USP48: variants seen among roughly 807,000 people sequenced by gnomAD.
USP48 encodes ubiquitin carboxyl-terminal hydrolase 48.
Under a neutral mutation model 150.7 loss-of-function variants are expected in USP48, and 43 were observed. The observed-to-expected ratio is 0.29, with a 90% CI of 0.22 to 0.37. The LOEUF is 0.37. USP48 is among the 10% of genes least tolerant of loss of function. The pLI is 1.00. For missense variants in USP48, 813 were observed against 1,249.6 expected, an observed-to-expected ratio of 0.65 and a Z score of 5.27; for synonymous variants, 396 against 425.9, an observed-to-expected ratio of 0.93 and a Z score of 0.86.
intron 8 of USP48, among the ~76,000 whole-genome samples, chr1:21,741,385 G>T (rs1028970178): frequency 2.6e-5 from 4 of 152,212 alleles, no homozygotes; most frequent in Non-Finnish European, 5.9e-5. Context: ...GCAACAGAAT[G>T]CTATCTTCTT....
intron 23 of USP48, among the ~76,000 whole-genome samples, chr1:21,693,284 T>C (rs1214564726): frequency 6.6e-6 from 1 of 152,210 alleles, no homozygotes; most frequent in Non-Finnish European, 1.5e-5. Flanking sequence ...AATTACTGAT[T>C]AGACACAGCA....
intron 25 of USP48, among the ~76,000 whole-genome samples, chr1:21,685,622 T>C (rs1419291580): frequency 1.3e-5 from 2 of 152,186 alleles, no homozygotes; most frequent in African/African-American, 4.8e-5. Flanking sequence ...GCCGCTTTCT[T>C]GATTTCTTTT....
Position 21,767,383 on chromosome 1 carries a change from G to C in USP48, c.135-9600C>G, listed in dbSNP as rs184744991. 7.5e-4 allele frequency among the ~76,000 whole-genome samples: 114 copies of C among 152,180 alleles called. 1 individual carries two copies. The highest frequency in any genetic ancestry group is 6.5e-4 in the Admixed American group (10 of 15,280). Reference sequence around the variant, plus strand: ...CCAGGCTAGAGTGCAGTGGTGCAGTGGCTCAATCTCAGCTCACTGCAACCT... The same window carrying C: ...CCAGGCTAGAGTGCAGTGGTGCAGTCGCTCAATCTCAGCTCACTGCAACCT... On this transcript the variant is annotated intron_variant, in intron 1 of 26. Coordinates refer to ENST00000308271, the MANE Select transcript of USP48 (RefSeq NM_032236.8).
chr1:21,774,206 A>ATAT (rs2097890881), intron 1 of USP48, among the ~76,000 whole-genome samples: 1 of 148,988 alleles, frequency 6.7e-6, no homozygotes, highest in African/African-American at 2.5e-5. Flanking sequence ...AATAATAATA[A>ATAT]TAATAATAAT....
chr1:21,743,481 G>T (rs2097786719), intron 8 of USP48, among the ~76,000 whole-genome samples: 1 of 152,208 alleles, frequency 6.6e-6, no homozygotes, highest in South Asian at 2.1e-4. Flanking sequence ...TAACCCAGGT[G>T]AAGAAGCAGG....
intron 1 of USP48, among the ~76,000 whole-genome samples, chr1:21,776,435 G>T (rs2152653277): frequency 6.6e-6 from 1 of 151,974 alleles, no homozygotes; most frequent in Middle Eastern, 3.4e-3. Context: ...GCAAAGAGAA[G>T]AAATAAACAA....
At chr1:21,773,308 T>G (rs1158003196) in intron 1 of USP48, among the ~76,000 whole-genome samples, 4 of 138,294 alleles carry the variant, frequency 2.9e-5, no homozygotes, top group African/African-American at 1.1e-4. Context: ...TGAAAATCAG[T>G]AAGAAAATGA....
intron 15 of USP48, 71 bp from the exon 16 acceptor site, chr1:21,706,939 C>A: frequency 6.7e-7 from 1 of 1,492,288 alleles, no homozygotes; most frequent in Non-Finnish European, 9.0e-7. Flanking sequence ...TTTCCTATTT[C>A]TTAAACTTAA....
chr1:21,685,657 G>A (rs1301165752), intron 25 of USP48, among the ~76,000 whole-genome samples: 1 of 152,154 alleles, frequency 6.6e-6, no homozygotes, highest in African/African-American at 2.4e-5. Context: ...TTGATGTATA[G>A]TAATGCTGCT....
chr1:21,766,612 A>G (rs1382990676), intron 1 of USP48, among the ~76,000 whole-genome samples: 1 of 152,148 alleles, frequency 6.6e-6, no homozygotes, highest in Non-Finnish European at 1.5e-5. Flanking sequence ...TTGAATGGGA[A>G]AGGGGGTAGG....
intron 2 of USP48, chr1:21,756,905 A>ATTTT: frequency 1.0e-6 from 1 of 985,418 alleles, no homozygotes; most frequent in Non-Finnish European, 1.2e-6. Context: ...GGAGTGAAAA[A>ATTTT]GACTTCGGAC....
In USP48 at chr1:21,724,061, T is replaced by C. The variant is rs1314487931; in HGVS notation, c.1485A>G (p.Gln495=). ...TAGGTGTTGATTCATCCAACCACTT[T>C]TGCAGCCATTCCAGAGAGACAAACT... The part of the protein sequence containing the change: ...PYEFVSLEWL[Q]KWLDESTPTK... Residue 495 remains glutamine, a synonymous_variant, in exon 12 of 27, where the codon CAA becomes CAG. Coordinates refer to ENST00000308271, the MANE Select transcript of USP48 (RefSeq NM_032236.8). The C allele has an allele frequency of 3.7e-6, 6 of 1,614,210 alleles. No individual in the cohort carries two copies. The highest frequency in any genetic ancestry group is 2.2e-5 in the East Asian group (1 of 44,888).
intron 1 of USP48, among the ~76,000 whole-genome samples, chr1:21,780,135 A>G (rs969842189): frequency 3.3e-5 from 5 of 152,226 alleles, no homozygotes; most frequent in South Asian, 2.1e-4. Context: ...ACTCAAAATA[A>G]GCAAAAGGTG....
At chr1:21,720,790 T>TA (rs201872790) in intron 14 of USP48, among the ~76,000 whole-genome samples, 2,567 of 152,154 alleles carry the variant, frequency 0.017, 41 homozygotes, top group African/African-American at 0.037. Context: ...CTCGGCCTCC[T>TA]AAAGTGCTGG....
chr1:21,766,538 A>G (rs977703092), intron 1 of USP48, among the ~76,000 whole-genome samples: 2 of 152,178 alleles, frequency 1.3e-5, no homozygotes, highest in African/African-American at 4.8e-5. Context: ...AAGAGTACAC[A>G]CGATGAGTGG....
rs1245195603 is a variant in USP48 at position 21,705,843 on chromosome 1, C to T, written c.2274-6G>A. 4.4e-6 allele frequency: 7 copies of T among 1,584,632 alleles called. No individual in the cohort carries two copies. Among genetic ancestry groups the T allele is most frequent in the Middle Eastern group, 1.7e-4 (1 of 5,950 alleles). On this transcript the variant is annotated splice_polypyrimidine_tract_variant and splice_region_variant and intron_variant, in intron 18 of 26. Coordinates refer to ENST00000308271, the MANE Select transcript of USP48 (RefSeq NM_032236.8). ...GGCTGCATCTTGTAGGCTTTCTACT[C>T]AAATGAGACAAGGAGGAGAAATATA... is the stretch of plus-strand genomic sequence containing the variant.
chr1:21,683,974 G>A (rs961083768), intron 25 of USP48, among the ~76,000 whole-genome samples: 1 of 152,076 alleles, frequency 6.6e-6, no homozygotes, highest in Non-Finnish European at 1.5e-5. Context: ...TTTTTTTAAT[G>A]GCTGAATAAT....
intron 1 of USP48, among the ~76,000 whole-genome samples, chr1:21,759,169 G>A (rs1242601893): frequency 5.1e-5 from 6 of 117,976 alleles, no homozygotes; most frequent in Middle Eastern, 5.6e-3. Context: ...GCAACAGAGA[G>A]AGACACGGTC....
At chr1:21,736,719 T>C in intron 8 of USP48, 94 bp from the exon 9 acceptor site, 2 of 1,121,582 alleles carry the variant, frequency 1.8e-6, no homozygotes, top group Non-Finnish European at 2.4e-6. Flanking sequence ...TCTTTACACA[T>C]GTGGTATAAC....
Sources: gnomAD v4.1 joint callset for allele counts (sites outside exome capture counted in the v4.1 genomes callset) on GRCh38, gnomAD v4.1.1 for gene constraint, MANE v1.5 for transcripts, NCBI Gene and HGNC (gene_info 2026-07-23, HGNC 2026-07-21) for gene names.